The following C3orf70 variants were observed in gnomAD, a reference collection of about 807,000 sequenced individuals.
C3orf70 encodes chromosome 3 open reading frame 70.
Under a neutral mutation model 20.7 loss-of-function variants are expected in C3orf70, and 15 were observed. That is an observed-to-expected ratio of 0.72 (90% CI 0.48 to 1.11). The LOEUF (loss-of-function observed/expected upper bound fraction) is 1.11. C3orf70 is among the 50% of genes most tolerant of loss of function. The pLI is 0.00. For synonymous variants in C3orf70, 161 were observed against 125.7 expected (o/e 1.28, Z -1.88); for missense variants, 332 against 317.6 (o/e 1.05, Z -0.34).
At chr3:185,141,801 A>AACAC (rs66562532) in intron 1 of C3orf70, among the ~76,000 whole-genome samples, 8,452 of 146,364 alleles carry the variant, frequency 0.058, 312 homozygotes, top group Admixed American at 0.12. Context: ...ATGCAAAGGA[A>AACAC]ACACACACAC....
intron 1 of C3orf70, among the ~76,000 whole-genome samples, chr3:185,115,377 G>A (rs1716154773): frequency 6.6e-6 from 1 of 152,168 alleles, no homozygotes; most frequent in Non-Finnish European, 1.5e-5. Flanking sequence ...AGACTTTACA[G>A]TAGATTCTAC....
At chr3:185,086,280 T>A (rs1218560132) in intron 1 of C3orf70, among the ~76,000 whole-genome samples, 1 of 152,172 alleles carries the variant, frequency 6.6e-6, no homozygotes, top group Non-Finnish European at 1.5e-5. Context: ...TCCCCACTCA[T>A]CCAAAGCTCT....
intron 1 of C3orf70, among the ~76,000 whole-genome samples, chr3:185,145,764 T>C (rs539410491): frequency 5.9e-5 from 9 of 152,336 alleles, no homozygotes; most frequent in African/African-American, 2.2e-4. Context: ...ATAGTAACAG[T>C]ACCTACTTCA....
In C3orf70 at chr3:185,077,337, C is replaced by A. The variant is rs138671739; in HGVS notation, c.*5670G>T. On this transcript the variant is annotated 3_prime_UTR_variant, in exon 2 of 2. Coordinates refer to ENST00000335012, the MANE Select transcript of C3orf70 (RefSeq NM_001025266.3). ...AGAGCCAAAGTGACCGGGTTCAAAC[C>A]CTGACTGCCACTCATGTACGAGCTG... Among the ~76,000 whole-genome samples, 1,584 of 152,108 alleles carry A rather than the reference C, an allele frequency of 0.01. 32 individuals carry two copies. Among genetic ancestry groups the A allele is most frequent in the African/African-American group, 0.036 (1,492 of 41,482 alleles).
rs576581263 is a variant in C3orf70, at chr3:185,128,692, T to C, written c.196+23936A>G. ...TGATAATGTTGACAATTTCTTCAGT[T>C]TCCTCATTTTATGTAAAACAGATAA... On this transcript the variant is annotated intron_variant, in intron 1 of 1. Transcript: ENST00000335012. 7.2e-5 allele frequency among the ~76,000 whole-genome samples: 11 copies of C among 152,340 alleles called. No homozygotes were observed. The East Asian group carries it at 2.1e-3, about 29-fold the overall frequency.
At chr3:185,144,075 G>T (rs1251334864) in intron 1 of C3orf70, among the ~76,000 whole-genome samples, 1 of 151,852 alleles carries the variant, frequency 6.6e-6, no homozygotes, top group African/African-American at 2.4e-5. Flanking sequence ...AAAAATCCAA[G>T]TGTAATATTC....
rs1715323019 is a variant in C3orf70 at position 185,080,945 on chromosome 3, G to C, written c.*2062C>G. 1 of 152,154 alleles carries C rather than the reference G, an allele frequency of 6.6e-6. No individual in the cohort carries two copies. Among genetic ancestry groups the C allele is most frequent in the South Asian group, 2.1e-4 (1 of 4,822 alleles). 9.4% of individuals were successfully genotyped at this position (152,154 alleles called of 1,614,324 possible). The stretch of plus-strand genomic sequence containing the variant: ...TAGAAAGTTTTAACTCATACTGTTT[G>C]CAAAGGAAAATGTATACTCTGCCTT... On this transcript the variant is annotated 3_prime_UTR_variant, in exon 2 of 2. Coordinates refer to ENST00000335012, the MANE Select transcript of C3orf70 (RefSeq NM_001025266.3).
intron 1 of C3orf70, among the ~76,000 whole-genome samples, chr3:185,094,409 CTTAG>C (rs1244397250): frequency 6.6e-6 from 1 of 152,044 alleles, no homozygotes; most frequent in African/African-American, 2.4e-5. Flanking sequence ...ATTGTTATTT[CTTAG>C]TTCTTTTCCC....
At chr3:185,123,321 T>C (rs940622562) in intron 1 of C3orf70, among the ~76,000 whole-genome samples, 4 of 152,096 alleles carry the variant, frequency 2.6e-5, no homozygotes, top group Non-Finnish European at 5.9e-5. Context: ...ATAAATTTCT[T>C]GAGATCTCGG....
At chr3:185,145,642 A>G (rs1317582488) in intron 1 of C3orf70, among the ~76,000 whole-genome samples, 1 of 152,168 alleles carries the variant, frequency 6.6e-6, no homozygotes, top group Non-Finnish European at 1.5e-5. Context: ...GAACCAAGAA[A>G]CCGACAGCCC....
chr3:185,124,739 T>A (rs950613346), intron 1 of C3orf70, among the ~76,000 whole-genome samples: 1 of 151,832 alleles, frequency 6.6e-6, no homozygotes, highest in African/African-American at 2.4e-5. Flanking sequence ...AAAATGAAAA[T>A]CCACAGACTG....
intron 1 of C3orf70, among the ~76,000 whole-genome samples, chr3:185,127,676 G>A (rs944258694): frequency 6.6e-6 from 1 of 152,036 alleles, no homozygotes; most frequent in African/African-American, 2.4e-5. Flanking sequence ...CTGACCTCAG[G>A]TGATCCATCC....
chr3:185,129,837 T>C (rs1425476128), intron 1 of C3orf70, among the ~76,000 whole-genome samples: 1 of 152,238 alleles, frequency 6.6e-6, no homozygotes, highest in Non-Finnish European at 1.5e-5. Flanking sequence ...TAAGAGCAGA[T>C]TGTAACACAG....
intron 1 of C3orf70, among the ~76,000 whole-genome samples, chr3:185,138,094 A>G (rs955787491): frequency 6.6e-6 from 1 of 152,222 alleles, no homozygotes; most frequent in African/African-American, 2.4e-5. Context: ...CAACAAAAGT[A>G]TAGTAAGGAA....
chr3:185,085,437 T>A (rs1561325606), intron 1 of C3orf70, among the ~76,000 whole-genome samples: 1 of 152,296 alleles, frequency 6.6e-6, no homozygotes, highest in Middle Eastern at 3.4e-3. Flanking sequence ...AATTTCTTTA[T>A]AACCAAATTA....
chr3:185,091,455 G>A (rs754566349), intron 1 of C3orf70, among the ~76,000 whole-genome samples: 30 of 152,126 alleles, frequency 2.0e-4, no homozygotes, highest in Non-Finnish European at 4.3e-4. Flanking sequence ...ATGACAAAAG[G>A]AGGGCTCTAA....
rs1715396031 is a variant in C3orf70 at position 185,083,423 on chromosome 3, G to T, written c.337C>A (p.Gln113Lys). ...GGTGAGTCAGGGGGAAGGGGAGGCT[G>T]GAAGACAGATGCAAATTTCAAAAAG... ...EHFLKFASVF[Q>K]PPLPPDSPRY... The change falls in exon 2 of 2, where the codon CAG becomes AAG. Residue 113 changes from glutamine (Q) to lysine (K), a missense_variant. Physicochemically the swap from Gln to Lys is moderately conservative, Grantham distance 53 (BLOSUM62 1). Coordinates refer to ENST00000335012, the MANE Select transcript of C3orf70 (RefSeq NM_001025266.3). The T allele has an allele frequency of 4.3e-6, 7 of 1,614,114 alleles. No homozygotes were observed. Among genetic ancestry groups the T allele is most frequent in the Non-Finnish European group, 5.9e-6 (7 of 1,180,034 alleles).
chr3:185,138,543 A>G (rs1359027498), intron 1 of C3orf70, among the ~76,000 whole-genome samples: 2 of 152,198 alleles, frequency 1.3e-5, no homozygotes, highest in Non-Finnish European at 2.9e-5. Flanking sequence ...TAAAATAATT[A>G]CACCTTAATC....
intron 1 of C3orf70, among the ~76,000 whole-genome samples, chr3:185,111,850 C>T (rs1716079165): frequency 6.6e-6 from 1 of 152,072 alleles, no homozygotes; most frequent in Admixed American, 6.6e-5. Flanking sequence ...CAGAAACTGA[C>T]CCTAATGAAA....
Sources: allele counts gnomAD v4.1 joint callset (sites outside exome capture counted in the v4.1 genomes callset), GRCh38; gene constraint gnomAD v4.1.1; transcripts MANE v1.5; gene names NCBI Gene and HGNC (gene_info 2026-07-23, HGNC 2026-07-21).